EXT1: variants seen among roughly 807,000 people sequenced by gnomAD.
EXT1 encodes the protein exostosin glycosyltransferase 1, also known as exostosin-1.
EXT1 carries 20 observed loss-of-function variants against 82.5 expected under a neutral mutation model. The ratio of observed to expected loss-of-function variants is 0.24; its 90% confidence interval spans 0.17 to 0.35. The LOEUF is 0.35. Ranked by LOEUF, EXT1 falls within the 10% of genes least tolerant of loss-of-function variation. The pLI is 1.00. For synonymous variants in EXT1, 348 were observed against 350.8 expected (o/e 0.99, Z 0.09); for missense variants, 757 against 936.5 (o/e 0.81, Z 2.50).
At chr8:117,822,872 T>G (rs929161544) in intron 4 of EXT1, among the ~76,000 whole-genome samples, 1 of 152,108 alleles carries the variant, frequency 6.6e-6, no homozygotes, top group African/African-American at 2.4e-5. Flanking sequence ...TAATAATGAG[T>G]CCATGCTCAT....
rs774546763 is a variant in EXT1, at chr8:117,822,570, T to G, written c.1312A>C (p.Ile438Leu). Residue 438 changes from isoleucine (I) to leucine (L), a missense_variant, in exon 5 of 11, where the codon ATA (isoleucine) becomes CTA (leucine). Around this residue, in one of 4 missense-constraint regions of EXT1, gnomAD observed 207 missense variants for 224.2 expected, o/e 0.92. Transcript: ENST00000378204. ...TTCCATATTAAACTGTTACGTGATA[T>G]GTGCTTGAATATTCTGTCCTGAATA... is the stretch of plus-strand genomic sequence containing the variant. ...EIIQDRIFKH[I>L]SRNSLIWNKH... is the part of the protein sequence containing the mutation. 16 of 1,613,328 alleles carry G rather than the reference T, an allele frequency of 9.9e-6. No individual in the cohort carries two copies. The highest frequency in any genetic ancestry group is 1.4e-5 in the Non-Finnish European group (16 of 1,179,716).
At chr8:117,841,765 A>AT (rs141035904) in intron 1 of EXT1, among the ~76,000 whole-genome samples, 13,729 of 152,236 alleles carry the variant, frequency 0.09, 790 homozygotes, top group African/African-American at 0.17. Context: ...TATGGCCATA[A>AT]TCATTTTATA....
chr8:117,859,310 G>A (rs1587015359), intron 1 of EXT1, among the ~76,000 whole-genome samples: 1 of 152,320 alleles, frequency 6.6e-6, no homozygotes, highest in East Asian at 1.9e-4. Flanking sequence ...TTCCCCTTGG[G>A]AGGCTAAGTG....
chr8:117,861,453 G>A (rs1259942713), intron 1 of EXT1, among the ~76,000 whole-genome samples: 18 of 150,560 alleles, frequency 1.2e-4, no homozygotes. Flanking sequence ...TGAAAGGAGA[G>A]CATGGAAATG....
intron 1 of EXT1, among the ~76,000 whole-genome samples, chr8:117,973,202 G>A (rs1359324042): frequency 1.3e-5 from 2 of 152,174 alleles, no homozygotes; most frequent in Admixed American, 1.3e-4. Context: ...GCATCCTCAT[G>A]AAACAATAAA....
At chr8:117,968,059 G>A (rs112466658) in intron 1 of EXT1, among the ~76,000 whole-genome samples, 25 of 152,244 alleles carry the variant, frequency 1.6e-4, no homozygotes, top group Non-Finnish European at 2.9e-4. Context: ...ACATATACAT[G>A]TATCTCTTAA....
chr8:118,026,855 T>C (rs1456091493), intron 1 of EXT1, among the ~76,000 whole-genome samples: 1 of 152,198 alleles, frequency 6.6e-6, no homozygotes. Context: ...CATAAGATGG[T>C]CCATTTGGAA....
At chr8:118,028,829 GGA>G (rs1816248603) in intron 1 of EXT1, among the ~76,000 whole-genome samples, 1 of 152,064 alleles carries the variant, frequency 6.6e-6, no homozygotes, top group East Asian at 1.9e-4. Flanking sequence ...GGCTGAGGTA[GGA>G]GAATCGCTTG....
intron 1 of EXT1, among the ~76,000 whole-genome samples, chr8:118,001,418 C>T (rs1004086728): frequency 9.2e-5 from 14 of 152,026 alleles, no homozygotes; most frequent in African/African-American, 3.4e-4. Context: ...CTCCTGACCT[C>T]AAGTGATCTG....
intron 1 of EXT1, among the ~76,000 whole-genome samples, chr8:117,967,060 T>G (rs187945922): frequency 1.5e-3 from 224 of 152,370 alleles, no homozygotes; most frequent in Admixed American, 4.0e-3. Context: ...GTTGCACTTG[T>G]GTGGCAATGA....
At chr8:117,995,331 C>T (rs915500622) in intron 1 of EXT1, among the ~76,000 whole-genome samples, 1 of 152,172 alleles carries the variant, frequency 6.6e-6, no homozygotes, top group African/African-American at 2.4e-5. Flanking sequence ...TTTAGAAAAG[C>T]CAGCATGGTA....
At chr8:118,042,736 A>G (rs564546915) in intron 1 of EXT1, among the ~76,000 whole-genome samples, 2 of 152,330 alleles carry the variant, frequency 1.3e-5, no homozygotes, top group East Asian at 3.9e-4. Flanking sequence ...TTAAAGACCA[A>G]GTTCGTACAA....
chr8:117,822,118 A>T (rs953297932), intron 5 of EXT1, among the ~76,000 whole-genome samples: 1 of 152,098 alleles, frequency 6.6e-6, no homozygotes, highest in Non-Finnish European at 1.5e-5. Flanking sequence ...GAAAAAAAAA[A>T]TTGGGGAGAG....
intron 1 of EXT1, among the ~76,000 whole-genome samples, chr8:118,006,538 G>T (rs113844474): frequency 1.5e-4 from 23 of 152,232 alleles, no homozygotes; most frequent in Non-Finnish European, 2.9e-4. Flanking sequence ...TGCCTTGAAG[G>T]TCAAAAATCG....
At chr8:117,966,170 C>T (rs1814805957) in intron 1 of EXT1, among the ~76,000 whole-genome samples, 1 of 152,142 alleles carries the variant, frequency 6.6e-6, no homozygotes. Flanking sequence ...CAAAGGACCA[C>T]CATCACAGTT....
chr8:118,026,588 G>GA (rs144866614), intron 1 of EXT1, among the ~76,000 whole-genome samples: 5,396 of 149,724 alleles, frequency 0.036, 335 homozygotes, highest in African/African-American at 0.13. Context: ...AGCCTCTGGA[G>GA]AAAAAAAAAA....
chr8:118,039,710 T>A (rs1212680209), intron 1 of EXT1, among the ~76,000 whole-genome samples: 2 of 152,128 alleles, frequency 1.3e-5, no homozygotes, highest in Admixed American at 1.3e-4. Flanking sequence ...CAATAATTCA[T>A]GAATTCATAA....
Position 117,941,567 on chromosome 8 carries a change from C to T in EXT1, c.963-104366G>A, listed in dbSNP as rs1814273160. 3.9e-5 allele frequency among the ~76,000 whole-genome samples: 6 copies of T among 152,248 alleles called. No homozygotes were observed. The South Asian group carries it at 1.2e-3, about 32-fold the overall frequency. ...TCAGGAAGGCAAACCCAGGCATTCG[C>T]CACACACAGCGCAGAAAGGGTTGAT... On this transcript the variant is annotated intron_variant, in intron 1 of 10. Transcript: ENST00000378204.
chr8:118,063,315 T>C (rs1471944153), intron 1 of EXT1, among the ~76,000 whole-genome samples: 1 of 152,256 alleles, frequency 6.6e-6, no homozygotes, highest in East Asian at 1.9e-4. Context: ...AAACCCGTAT[T>C]TTCCATTGCC....
Sources: allele counts gnomAD v4.1 joint callset (sites outside exome capture counted in the v4.1 genomes callset), GRCh38; gene constraint gnomAD v4.1.1; regional missense constraint gnomAD v4.1.1; transcripts MANE v1.5; gene names NCBI Gene and HGNC (gene_info 2026-07-23, HGNC 2026-07-21).